Variants in DGKA observed in about 807,000 individuals in gnomAD.
The protein encoded by DGKA is diacylglycerol kinase alpha.
Under a neutral mutation model 105.0 loss-of-function variants are expected in DGKA, and 35 were observed. The observed-to-expected ratio is 0.33, with a 90% CI of 0.25 to 0.44. DGKA has a LOEUF of 0.44. Among genes scored for constraint, DGKA ranks in the 20% least tolerant of loss-of-function variants. The pLI is 1.00. For synonymous variants in DGKA, 296 were observed against 332.0 expected (o/e 0.89, Z 1.18); for missense variants, 665 against 915.0 (o/e 0.73, Z 3.53).
Position 55,953,914 on chromosome 12 carries a change from C to T in DGKA, c.*146C>T, listed in dbSNP as rs557523799. ...CCCTCACAGTATTTATTATCCTGCA[C>T]CACCTCACTGTTCCCCATGCGCACA... On this transcript the variant is annotated 3_prime_UTR_variant, in exon 24 of 24. Coordinates refer to ENST00000331886, the MANE Select transcript of DGKA (RefSeq NM_001345.5). 29 of 712,356 alleles carry T rather than the reference C, an allele frequency of 4.1e-5. No homozygotes were observed. The South Asian group carries it at 4.2e-4, about 10-fold the overall frequency. The allele number at this position is 712,356 out of a possible 1,614,324, so 44.1% of individuals were successfully genotyped here.
chr12:55,938,514 C>T lies in DGKA; in HGVS notation c.353C>T (p.Thr118Ile), dbSNP rs1404047600. The change falls in exon 6 of 24, where the codon ACC becomes ATC. Residue 118 changes from threonine to isoleucine, a missense_variant. Physicochemically the swap from Thr to Ile is moderately conservative, Grantham distance 89. Transcript: ENST00000331886. The stretch of plus-strand genomic sequence containing the variant: ...GCCCCCCTAAAACACCCCACAGTCA[C>T]CTTCAAGCTGTACGACACGGACAGA... ...GGRPEDKLEFTFKLYDTDRNG... is the reference protein window; with the variant it reads ...GGRPEDKLEFIFKLYDTDRNG... The T allele has an allele frequency of 6.2e-7, 1 of 1,614,124 alleles. No individual in the cohort carries two copies. The highest frequency in any genetic ancestry group is 8.5e-7 in the Non-Finnish European group (1 of 1,180,008).
chr12:55,952,523 C>T lies in DGKA; in HGVS notation c.1743+92C>T. On this transcript the variant is annotated intron_variant, in intron 20 of 23. Transcript: ENST00000331886. This position sits in a 1 kb window ranked among gnomAD's most constrained non-coding sequence, Gnocchi z 5.1. ...GGCACCCTTAGGAACTTCCCATATT[C>T]TTGAACCTATGCTTCTTTAACCTCC... is the stretch of plus-strand genomic sequence containing the variant. 4 of 1,370,550 alleles carry T rather than the reference C, an allele frequency of 2.9e-6. No homozygotes were observed. In the South Asian group the frequency reaches 4.7e-5, roughly 16 times the overall value. 84.9% of individuals were successfully genotyped at this position (1,370,550 alleles called of 1,614,324 possible).
At chr12:55,946,548 G>C (rs11829187) in intron 17 of DGKA, among the ~76,000 whole-genome samples, 12,081 of 152,130 alleles carry the variant, frequency 0.079, 1,671 homozygotes, top group African/African-American at 0.28. Context: ...GTAGAGACAG[G>C]GTTTCGCCAT....
intron 5 of DGKA, chr12:55,938,272 T>C: frequency 1.5e-6 from 1 of 666,522 alleles, no homozygotes; most frequent in Admixed American, 2.9e-5. Flanking sequence ...CATTCCCATG[T>C]AGGCGGCCTA....
intron 1 of DGKA, 76 bp from the exon 2 acceptor site, chr12:55,936,347 C>T (rs1884691428): frequency 7.1e-7 from 1 of 1,410,982 alleles, no homozygotes; most frequent in African/African-American, 1.4e-5. Context: ...GGAGTAGAGA[C>T]AGAATGGAAC....
At chr12:55,946,942 G>A (rs1369059963) in intron 17 of DGKA, among the ~76,000 whole-genome samples, 3 of 151,846 alleles carry the variant, frequency 2.0e-5, no homozygotes, top group Admixed American at 6.6e-5. Context: ...GTGAGGAAGT[G>A]GAGACTTTTT....
At chr12:55,938,797 A>G in intron 6 of DGKA, 118 bp from the exon 7 acceptor site, 1 of 1,553,762 alleles carries the variant, frequency 6.4e-7, no homozygotes, top group Non-Finnish European at 8.8e-7. Context: ...TGGCAGACAT[A>G]CCTGAGAATG....
intron 1 of DGKA, among the ~76,000 whole-genome samples, chr12:55,934,205 A>G (rs981727110): frequency 3.9e-5 from 6 of 152,192 alleles, no homozygotes; most frequent in Non-Finnish European, 8.8e-5. Flanking sequence ...TCTCCTTTGC[A>G]TTGTAACTTG....
chr12:55,943,050 A>T (rs1886337907), intron 17 of DGKA, among the ~76,000 whole-genome samples: 1 of 152,134 alleles, frequency 6.6e-6, no homozygotes, highest in Admixed American at 6.6e-5. Context: ...AGTTGAGCAG[A>T]GTCCAGATGA....
intron 17 of DGKA, among the ~76,000 whole-genome samples, chr12:55,948,484 T>G (rs565960498): frequency 4.6e-5 from 7 of 152,084 alleles, no homozygotes; most frequent in African/African-American, 1.7e-4. Flanking sequence ...TCCCAGCACT[T>G]TGGGAGGCCA....
At chr12:55,941,355 A>G (rs1468025941) in intron 14 of DGKA, 30 bp downstream of exon 14, 1 of 1,609,172 alleles carries the variant, frequency 6.2e-7, no homozygotes, top group African/African-American at 1.3e-5. Flanking sequence ...GTCTTCTAAG[A>G]TGAGAGGCAG....
At chr12:55,946,465 TC>T (rs1887034485) in intron 17 of DGKA, among the ~76,000 whole-genome samples, 1 of 152,184 alleles carries the variant, frequency 6.6e-6, no homozygotes, top group Non-Finnish European at 1.5e-5. Flanking sequence ...CAAGTGATTC[TC>T]CGGCCTCAGC....
At chr12:55,945,147 TA>T (rs747535308) in intron 17 of DGKA, among the ~76,000 whole-genome samples, 9 of 152,168 alleles carry the variant, frequency 5.9e-5, no homozygotes, top group Non-Finnish European at 1.2e-4. Context: ...AAGACCAGTT[TA>T]AGGAAGAAAA....
chr12:55,937,305 T>A, intron 3 of DGKA, 103 bp from the exon 4 acceptor site: 1 of 1,401,350 alleles, frequency 7.1e-7, no homozygotes, highest in Admixed American at 1.9e-5. Flanking sequence ...CCTCAGATGC[T>A]TCTCAGCTCT....
Position 55,937,385 on chromosome 12 carries a change from G to A in DGKA, c.139-23G>A, listed in dbSNP as rs199926303. 6.8e-6 allele frequency: 11 copies of A among 1,611,654 alleles called. No homozygotes were observed. The Admixed American group carries it at 1.7e-4, about 24-fold the overall frequency. On this transcript the variant is annotated intron_variant, in intron 3 of 23. Transcript: ENST00000331886. ...AGCTCTGACCTTGCAGACTCCCCAGGATAATGCTCACTCTCATTATAGGCC... is the reference window on the plus strand; with the variant it reads ...AGCTCTGACCTTGCAGACTCCCCAGAATAATGCTCACTCTCATTATAGGCC...
Position 55,940,734 on chromosome 12 carries a change from G to A in DGKA, c.1017+12G>A, listed in dbSNP as rs550372970. On this transcript the variant is annotated intron_variant, in intron 12 of 23. Transcript: ENST00000331886. The surrounding 1 kb of genome is among the most constrained non-coding windows in gnomAD (Gnocchi z 4.3). ...ATCCCAGTGTCCTGGTGAGACCCTCGGCAGCAGCGGGGAGGGGACAGGAGT... is the reference window on the plus strand; with the variant it reads ...ATCCCAGTGTCCTGGTGAGACCCTCAGCAGCAGCGGGGAGGGGACAGGAGT... The A allele has an allele frequency of 8.1e-6, 13 of 1,612,448 alleles. No individual in the cohort carries two copies. Among genetic ancestry groups the A allele is most frequent in the South Asian group, 3.3e-5 (3 of 90,934 alleles).
Position 55,953,272 on chromosome 12 carries a change from T to G in DGKA, c.2064-78T>G, listed in dbSNP as rs545919294. ...CTAGATCTCCCTCAATGACAAAAGG[T>G]CTCAAAGCCAACCTAAGAAGCAGAG... On this transcript the variant is annotated intron_variant, in intron 22 of 23. Coordinates refer to ENST00000331886, the MANE Select transcript of DGKA (RefSeq NM_001345.5). The G allele has an allele frequency of 8.1e-6, 13 of 1,611,360 alleles. No homozygotes were observed. The East Asian group carries it at 2.7e-4, about 33-fold the overall frequency.
At chr12:55,938,737 G>C in intron 6 of DGKA, 177 bp downstream of exon 6, 1 of 1,539,104 alleles carries the variant, frequency 6.5e-7, no homozygotes, top group South Asian at 1.2e-5. Context: ...GAGAATGCTG[G>C]ATACATGAAT....
chr12:55,930,794 C>T (rs554264790), upstream of DGKA, among the ~76,000 whole-genome samples: 8 of 151,890 alleles, frequency 5.3e-5, no homozygotes, highest in African/African-American at 1.9e-4. Flanking sequence ...ACTCCCAAAC[C>T]CTATTACTCA....
Sources: gnomAD v4.1 joint callset for allele counts (sites outside exome capture counted in the v4.1 genomes callset) on GRCh38, gnomAD v4.1.1 for gene constraint, Gnocchi (gnomAD v3.1) non-coding constraint, MANE v1.5 for transcripts, NCBI Gene and HGNC (gene_info 2026-07-23, HGNC 2026-07-21) for gene names.